Variants in CLDN14 observed in about 807,000 individuals in gnomAD.
CLDN14 encodes claudin 14.
CLDN14 carries 2 observed loss-of-function variants against 2.1 expected under a neutral mutation model. That is an observed-to-expected ratio of 0.96 (90% confidence interval 0.39 to 3.01). The LOEUF is 3.01. Ranked by LOEUF, CLDN14 falls within the 30% of genes most tolerant of loss-of-function variation. CLDN14 has a pLI of 0.09. For missense variants in CLDN14, 298 were observed against 328.0 expected (o/e 0.91, Z 0.71); for synonymous variants, 136 against 154.4 (o/e 0.88, Z 0.88).
At chr21:36,559,256 C>T (rs1462610483) in intron 1 of CLDN14, among the ~76,000 whole-genome samples, 1 of 152,016 alleles carries the variant, frequency 6.6e-6, no homozygotes, top group Non-Finnish European at 1.5e-5. Context: ...GGCTGGAGTG[C>T]AATGATTTCA....
At chr21:36,536,736 C>CT (rs891409571) in intron 1 of CLDN14, among the ~76,000 whole-genome samples, 4 of 152,150 alleles carry the variant, frequency 2.6e-5, no homozygotes, top group African/African-American at 9.7e-5. Flanking sequence ...AATATTTTCT[C>CT]TTTTTTTCAA....
chr21:36,476,270 G>T (rs1055777130), intron 1 of CLDN14, among the ~76,000 whole-genome samples: 7 of 152,098 alleles, frequency 4.6e-5, no homozygotes, highest in Non-Finnish European at 1.0e-4. Context: ...AAGTGGTTGG[G>T]GGGGTGGTTC....
intron 1 of CLDN14, among the ~76,000 whole-genome samples, chr21:36,471,455 G>A (rs1194741771): frequency 6.6e-6 from 1 of 152,306 alleles, no homozygotes; most frequent in East Asian, 1.9e-4. Flanking sequence ...GTTTGGGGGG[G>A]CTCATGTCTC....
rs776876477 is a variant in CLDN14, at chr21:36,516,396, C to T, written c.-219-5896G>A. Among the ~76,000 whole-genome samples the T allele has an allele frequency of 2.4e-4, 37 of 152,242 alleles. 1 individual carries two copies. Among genetic ancestry groups the T allele is most frequent in the Admixed American group, 2.0e-4 (3 of 15,292 alleles). On this transcript the variant is annotated intron_variant, in intron 1 of 2. Transcript: ENST00000342108. ...CTTTTGTTATGAATAAGAATACAAG[C>T]GACCGTTAGATATTGTCCATGGTTC...
chr21:36,540,005 GATGT>G (rs762910483), intron 1 of CLDN14, among the ~76,000 whole-genome samples: 1 of 151,082 alleles, frequency 6.6e-6, no homozygotes, highest in Non-Finnish European at 1.5e-5. Flanking sequence ...TGTAGTATGT[GATGT>G]ATGTGTGTGG....
chr21:36,575,147 C>T (rs405828), intron 1 of CLDN14, among the ~76,000 whole-genome samples: 78,876 of 152,044 alleles, frequency 0.52, 21,639 homozygotes, highest in Non-Finnish European at 0.61. Context: ...TGATTACCAA[C>T]GCCGGTCATG....
intron 2 of CLDN14, among the ~76,000 whole-genome samples, chr21:36,496,436 CAAAAAAAAAAAA>C (rs60272055): frequency 1.0e-5 from 1 of 95,502 alleles, no homozygotes; most frequent in African/African-American, 4.4e-5. Flanking sequence ...GACCTTGTTT[CAAAAAAAAAAAA>C]AAAAAAAAAG....
chr21:36,484,854 A>G (rs1009314489), upstream of CLDN14, among the ~76,000 whole-genome samples: 5 of 152,030 alleles, frequency 3.3e-5, no homozygotes, highest in Admixed American at 2.6e-4. Context: ...CTGGGATTAC[A>G]GGCATGCACC....
intron 1 of CLDN14, among the ~76,000 whole-genome samples, chr21:36,468,098 C>T (rs901665764): frequency 3.3e-5 from 5 of 152,184 alleles, no homozygotes; most frequent in Non-Finnish European, 2.9e-5. Flanking sequence ...ATAGAAACAG[C>T]GTAAAACTTG....
chr21:36,572,809 A>G (rs1469415527), intron 1 of CLDN14, among the ~76,000 whole-genome samples: 3 of 152,178 alleles, frequency 2.0e-5, no homozygotes, highest in South Asian at 2.1e-4. Context: ...AAATAGGTCT[A>G]TTGATGAGAT....
chr21:36,470,095 T>C (rs2086692499), intron 1 of CLDN14, among the ~76,000 whole-genome samples: 1 of 152,114 alleles, frequency 6.6e-6, no homozygotes, highest in Non-Finnish European at 1.5e-5. Context: ...CATACAAACA[T>C]TTCCTCAAGC....
intron 1 of CLDN14, among the ~76,000 whole-genome samples, chr21:36,553,771 C>T (rs918534279): frequency 1.3e-5 from 2 of 152,094 alleles, no homozygotes; most frequent in Admixed American, 6.5e-5. Flanking sequence ...ATTCTTACTC[C>T]CCTTTATGGT....
Position 36,507,647 on chromosome 21 carries a change from C to A in CLDN14, c.-82+2716G>T, listed in dbSNP as rs961486450. ...GGTGTGGTGGCACGCACGTGTAATCCCAGCTACTTGGCAGGCTGAGGCGGG... is the reference window on the plus strand; with the variant it reads ...GGTGTGGTGGCACGCACGTGTAATCACAGCTACTTGGCAGGCTGAGGCGGG... On this transcript the variant is annotated intron_variant, in intron 2 of 2. Transcript: ENST00000342108. Among the ~76,000 whole-genome samples the A allele has an allele frequency of 1.3e-5, 2 of 152,074 alleles. 1 individual carries two copies. The highest frequency in any genetic ancestry group is 4.8e-5 in the African/African-American group (2 of 41,406).
chr21:36,497,780 C>A (rs866784200), intron 2 of CLDN14, among the ~76,000 whole-genome samples: 4 of 152,140 alleles, frequency 2.6e-5, no homozygotes, highest in Non-Finnish European at 5.9e-5. Context: ...GATCCATCCT[C>A]AAAGCAATGA....
chr21:36,517,853 CT>C (rs925984108), intron 1 of CLDN14, among the ~76,000 whole-genome samples: 3 of 152,140 alleles, frequency 2.0e-5, no homozygotes, highest in Non-Finnish European at 4.4e-5. Flanking sequence ...ATGGCGCTCC[CT>C]AATGTGGGTG....
Position 36,479,946 on chromosome 21 carries a change from G to T in CLDN14, c.-533C>A, listed in dbSNP as rs1802161945. On this transcript the variant is annotated 5_prime_UTR_variant, in exon 1 of 2. Transcript: ENST00000399135. ...ACGCCTGCCCAGGCTCTCGGCTCCG[G>T]GTCCATTGGCTGTTCACACTCACTT... 6.6e-6 allele frequency: 1 copy of T among 152,276 alleles called. No individual in the cohort carries two copies. Among genetic ancestry groups the T allele is most frequent in the Admixed American group, 6.5e-5 (1 of 15,272 alleles). 9.4% of individuals were successfully genotyped at this position (152,276 alleles called of 1,614,324 possible). A position where few individuals can be genotyped will look rare whatever the true frequency, so the allele number is the denominator to read the frequency against.
intron 2 of CLDN14, among the ~76,000 whole-genome samples, chr21:36,500,220 G>C (rs1253739330): frequency 6.6e-6 from 1 of 152,048 alleles, no homozygotes. Flanking sequence ...AACATTGGGA[G>C]GGCTGGGTTG....
At chr21:36,538,552 T>C (rs1011577744) in intron 1 of CLDN14, among the ~76,000 whole-genome samples, 8 of 151,778 alleles carry the variant, frequency 5.3e-5, no homozygotes, top group African/African-American at 1.9e-4. Flanking sequence ...AGATGGAGGT[T>C]GCAGTGAGCC....
intron 1 of CLDN14, among the ~76,000 whole-genome samples, chr21:36,529,815 ATTG>A (rs1302187859): frequency 1.3e-5 from 2 of 152,196 alleles, no homozygotes; most frequent in Non-Finnish European, 1.5e-5. Context: ...CTAAAAATTA[ATTG>A]TTACCTGACA....
Sources: allele counts gnomAD v4.1 joint callset (sites outside exome capture counted in the v4.1 genomes callset), GRCh38; gene constraint gnomAD v4.1.1; transcripts MANE v1.5; gene names NCBI Gene and HGNC (gene_info 2026-07-23, HGNC 2026-07-21).